NOS1: variants seen among roughly 807,000 people sequenced by gnomAD.
The protein encoded by NOS1 is nitric oxide synthase 1.
NOS1 carries 51 observed loss-of-function variants against 164.5 expected under a neutral mutation model. The observed-to-expected ratio is 0.31, with a 90% CI of 0.25 to 0.39. The LOEUF is 0.39. Among genes scored for constraint, NOS1 ranks in the 10% least tolerant of loss-of-function variants. The pLI is 1.00. For missense variants in NOS1, 1,362 were observed against 1,885.6 expected (o/e 0.72, Z 5.14); for synonymous variants, 719 against 745.8 (o/e 0.96, Z 0.59).
intron 5 of NOS1, among the ~76,000 whole-genome samples, chr12:117,287,721 G>C (rs1255013637): frequency 6.6e-6 from 1 of 152,234 alleles, no homozygotes; most frequent in Non-Finnish European, 1.5e-5. Context: ...TTACAGGCGT[G>C]AGCCACTGCA....
At chr12:117,253,005 TA>T (rs906042644) in intron 17 of NOS1, among the ~76,000 whole-genome samples, 1 of 152,218 alleles carries the variant, frequency 6.6e-6, no homozygotes, top group Non-Finnish European at 1.5e-5. Context: ...TATTGTAATA[TA>T]AAATATCTGC....
intron 2 of NOS1, among the ~76,000 whole-genome samples, chr12:117,326,180 G>C (rs943749361): frequency 2.0e-5 from 3 of 151,954 alleles, no homozygotes; most frequent in African/African-American, 7.3e-5. Context: ...GAGGTCAGGA[G>C]TTCAGGACCA....
In NOS1 at chr12:117,251,556, A is replaced by C. The variant is rs371536720; in HGVS notation, c.2648+2082T>G. ...GCCTCCCAAGTAGCTGGGACTAAAG[A>C]CATGTGCCACTATGCCCAGCTAATC... On this transcript the variant is annotated intron_variant, in intron 17 of 28. Coordinates refer to ENST00000317775, the MANE Select transcript of NOS1 (RefSeq NM_000620.5). 2.0e-5 allele frequency among the ~76,000 whole-genome samples: 3 copies of C among 150,880 alleles called. No homozygotes were observed. The South Asian group carries it at 6.3e-4, about 32-fold the overall frequency.
chr12:117,258,620 A>G (rs75136335), intron 15 of NOS1, among the ~76,000 whole-genome samples, 165 bp from the exon 16 acceptor site: 209 of 152,280 alleles, frequency 1.4e-3, no homozygotes, highest in African/African-American at 4.8e-3. Flanking sequence ...TGCCTGGGCT[A>G]CAGACGCAGT....
chr12:117,311,966 C>T (rs1874455055), intron 2 of NOS1, among the ~76,000 whole-genome samples: 1 of 152,122 alleles, frequency 6.6e-6, no homozygotes, highest in Non-Finnish European at 1.5e-5. Context: ...TACCATGAAC[C>T]CCTGGACAAC....
intron 1 of NOS1, among the ~76,000 whole-genome samples, chr12:117,349,375 C>T (rs1876509380): frequency 6.6e-6 from 1 of 152,244 alleles, no homozygotes; most frequent in Admixed American, 6.5e-5. Flanking sequence ...CGTCCATTGA[C>T]AGACATCTGG....
chr12:117,304,440 C>T (rs1292444609), intron 3 of NOS1, among the ~76,000 whole-genome samples: 3 of 152,104 alleles, frequency 2.0e-5, no homozygotes, highest in Non-Finnish European at 2.9e-5. Flanking sequence ...ATTTTGTGCT[C>T]CTCTTTATTT....
At chr12:117,255,853 G>T in intron 16 of NOS1, 1 of 779,552 alleles carries the variant, frequency 1.3e-6, no homozygotes, top group Non-Finnish European at 1.9e-6. Context: ...TTGAGACCTA[G>T]ATGTGTGGCC....
At chr12:117,277,331 T>C (rs547589169) in intron 9 of NOS1, among the ~76,000 whole-genome samples, 228 of 152,168 alleles carry the variant, frequency 1.5e-3, no homozygotes, top group African/African-American at 5.1e-3. Flanking sequence ...ATGCCTGTAA[T>C]GCCAGCACTT....
chr12:117,251,366 A>G (rs7961096), intron 17 of NOS1, among the ~76,000 whole-genome samples: 1 of 152,106 alleles, frequency 6.6e-6, no homozygotes, highest in East Asian at 1.9e-4. Context: ...CAGGCGGTTG[A>G]TTCATTAATA....
chr12:117,252,190 C>T (rs947463477), intron 17 of NOS1, among the ~76,000 whole-genome samples: 9 of 152,158 alleles, frequency 5.9e-5, no homozygotes, highest in African/African-American at 1.9e-4. Flanking sequence ...ATAATAATAA[C>T]AATTAAGCAT....
chr12:117,332,969 C>T (rs1017900214), intron 1 of NOS1, among the ~76,000 whole-genome samples: 8 of 152,186 alleles, frequency 5.3e-5, no homozygotes, highest in Non-Finnish European at 7.3e-5. Context: ...CTCTCAGGCT[C>T]AAAGAAATGG....
chr12:117,309,387 C>T, intron 3 of NOS1: 1 of 985,400 alleles, frequency 1.0e-6, no homozygotes, highest in Non-Finnish European at 1.2e-6. Context: ...ACCACCAAGG[C>T]TCTAGAATGT....
intron 26 of NOS1, among the ~76,000 whole-genome samples, chr12:117,221,745 A>C (rs1452164659): frequency 1.3e-5 from 2 of 151,354 alleles, no homozygotes; most frequent in Non-Finnish European, 2.9e-5. Context: ...CTCCCACCTC[A>C]AGCTGCCCTC....
At chr12:117,244,187 T>A (rs531577232) in intron 18 of NOS1, among the ~76,000 whole-genome samples, 6 of 152,340 alleles carry the variant, frequency 3.9e-5, no homozygotes, top group Admixed American at 6.5e-5. Flanking sequence ...TTTTCTTTTT[T>A]TTTTTTGGTC....
rs1284632762 is a variant in NOS1 at position 117,212,728 on chromosome 12, T to TAA, written c.*2579_*2580dup. The TAA allele has an allele frequency of 1.0e-5, 10 of 985,364 alleles. No homozygotes were observed. The African/African-American group carries it at 1.7e-4, about 17-fold the overall frequency. 61.0% of individuals were successfully genotyped at this position (985,364 alleles called of 1,614,324 possible). Reference sequence around the variant, plus strand: ...CCATTGCTTAATTCTATTTTGCACTTAAACGGTTGGCTACGAGGCCTGGAT... The same window carrying TAA: ...CCATTGCTTAATTCTATTTTGCACTTAAAAACGGTTGGCTACGAGGCCTGGAT... On this transcript the variant is annotated 3_prime_UTR_variant, in exon 29 of 29. Transcript: ENST00000317775.
At chr12:117,294,368 A>T (rs1873274256) in intron 3 of NOS1, among the ~76,000 whole-genome samples, 2 of 152,116 alleles carry the variant, frequency 1.3e-5, no homozygotes, top group Non-Finnish European at 2.9e-5. Context: ...CAGGACTAAT[A>T]AAAGAGGCCA....
intron 27 of NOS1, among the ~76,000 whole-genome samples, chr12:117,219,345 C>T (rs182040855): frequency 2.0e-5 from 3 of 151,680 alleles, no homozygotes; most frequent in Non-Finnish European, 4.4e-5. Flanking sequence ...TCACTCTCGT[C>T]GCCCAGGCTG....
intron 3 of NOS1, among the ~76,000 whole-genome samples, chr12:117,310,224 T>C (rs1874363962): frequency 6.6e-6 from 1 of 152,170 alleles, no homozygotes; most frequent in Non-Finnish European, 1.5e-5. Context: ...ACTTATTCTA[T>C]TGATAAGCCT....
Sources: allele counts gnomAD v4.1 joint callset (sites outside exome capture counted in the v4.1 genomes callset), GRCh38; gene constraint gnomAD v4.1.1; transcripts MANE v1.5; gene names NCBI Gene and HGNC (gene_info 2026-07-23, HGNC 2026-07-21).